Variants in TNS1 observed in about 807,000 individuals in gnomAD.
TNS1 encodes tensin 1, also known as tensin-1.
TNS1 carries 62 observed loss-of-function variants against 168.6 expected under a neutral mutation model. That is an observed-to-expected ratio of 0.37 (90% CI 0.30 to 0.45). The LOEUF is 0.45. Among genes scored for constraint, TNS1 ranks in the 20% least tolerant of loss-of-function variants. The pLI is 1.00. For synonymous variants in TNS1, 934 were observed against 933.2 expected (o/e 1.00, Z -0.02); for missense variants, 2,240 against 2,339.4 (o/e 0.96, Z 0.88).
chr2:217,885,916 G>A (rs1031481444), intron 14 of TNS1, 97 bp from the exon 15 acceptor site: 10 of 1,552,378 alleles, frequency 6.4e-6, no homozygotes, highest in Middle Eastern at 1.7e-4. Flanking sequence ...CAGGGTTAGT[G>A]GGAAACCTCT....
intron 8 of TNS1, among the ~76,000 whole-genome samples, chr2:217,896,661 T>A (rs187596158): frequency 8.5e-5 from 13 of 152,306 alleles, no homozygotes; most frequent in Admixed American, 2.6e-4. Context: ...CCACCAGATT[T>A]GAGGTAGAGT....
chr2:217,883,865 C>T (rs779048410), intron 16 of TNS1, among the ~76,000 whole-genome samples: 23 of 152,166 alleles, frequency 1.5e-4, no homozygotes, highest in Non-Finnish European at 3.1e-4. Flanking sequence ...AGTCTTTCTC[C>T]GCCTGAGCCC....
chr2:218,028,745 C>T (rs1958869583), intron 1 of TNS1, among the ~76,000 whole-genome samples: 1 of 152,148 alleles, frequency 6.6e-6, no homozygotes, highest in African/African-American at 2.4e-5. Context: ...GGCAGAAGGG[C>T]TGGCCAAAAG....
At chr2:217,915,339 G>A (rs1164543428) in intron 4 of TNS1, among the ~76,000 whole-genome samples, 1 of 152,230 alleles carries the variant, frequency 6.6e-6, no homozygotes, top group Non-Finnish European at 1.5e-5. Flanking sequence ...AAGAAGATCA[G>A]GGCCTGTTTC....
intron 19 of TNS1, among the ~76,000 whole-genome samples, chr2:217,844,996 C>T (rs998984548): frequency 2.0e-5 from 3 of 152,214 alleles, no homozygotes; most frequent in African/African-American, 4.8e-5. Context: ...CTAATAGGAA[C>T]GCTTCCAATG....
intron 21 of TNS1, 142 bp from the exon 22 acceptor site, chr2:217,831,689 G>A: frequency 1.9e-6 from 1 of 537,088 alleles, no homozygotes; most frequent in Admixed American, 3.9e-5. Context: ...CAGCGCTTTG[G>A]CTCCACTGCC....
intron 1 of TNS1, among the ~76,000 whole-genome samples, chr2:218,023,867 G>C (rs991431764): frequency 6.6e-6 from 1 of 151,810 alleles, no homozygotes; most frequent in African/African-American, 2.4e-5. Flanking sequence ...GAATCCCAGA[G>C]AGAAGCTTCT....
At position 217,804,450 on chromosome 2, in the gene TNS1, G is replaced by T; in HGVS notation, c.*9C>A. 1 of 1,614,026 alleles carries T rather than the reference G, an allele frequency of 6.2e-7. No homozygotes were observed. The highest frequency in any genetic ancestry group is 8.5e-7 in the Non-Finnish European group (1 of 1,179,942). Reference sequence around the variant, plus strand: ...CCCCATGGCACTGGCCCTGGGCAAGGGGCAGGGTTCATCTCTTTTGGCCGG... The same window carrying T: ...CCCCATGGCACTGGCCCTGGGCAAGTGGCAGGGTTCATCTCTTTTGGCCGG... On this transcript the variant is annotated 3_prime_UTR_variant, in exon 33 of 33. Coordinates refer to ENST00000682258, the MANE Select transcript of TNS1 (RefSeq NM_001387777.1).
chr2:218,020,943 C>G (rs926037639), intron 1 of TNS1, among the ~76,000 whole-genome samples: 1 of 152,210 alleles, frequency 6.6e-6, no homozygotes, highest in African/African-American at 2.4e-5. Context: ...AGATAAGCAA[C>G]CATTTACGTC....
intron 3 of TNS1, among the ~76,000 whole-genome samples, chr2:217,942,848 T>C (rs939014976): frequency 8.7e-4 from 130 of 149,706 alleles, no homozygotes; most frequent in African/African-American, 3.0e-3. Context: ...TCCCCTCCCC[T>C]GCAGGGAGCC....
chr2:217,921,573 G>A (rs371225983), intron 3 of TNS1, among the ~76,000 whole-genome samples: 2 of 152,326 alleles, frequency 1.3e-5, no homozygotes, highest in Admixed American at 6.5e-5. Context: ...CTCTGGAAGG[G>A]GCAGAGGTGG....
intron 1 of TNS1, among the ~76,000 whole-genome samples, chr2:218,000,831 G>A (rs1958549461): frequency 1.3e-5 from 2 of 152,128 alleles, no homozygotes; most frequent in Admixed American, 1.3e-4. Context: ...AAGGAGACAG[G>A]GGAGGGACAC....
chr2:217,873,628 G>C (rs1186835716), intron 18 of TNS1, among the ~76,000 whole-genome samples: 1 of 152,220 alleles, frequency 6.6e-6, no homozygotes. Context: ...AGAGATTTCA[G>C]CAGGAGGAGG....
intron 4 of TNS1, among the ~76,000 whole-genome samples, chr2:217,914,501 GTTTT>G (rs1331454415): frequency 6.7e-6 from 1 of 148,230 alleles, no homozygotes; most frequent in Non-Finnish European, 1.5e-5. Flanking sequence ...AATGTTTTGG[GTTTT>G]TTTGTTTTGT....
chr2:217,850,663 C>T (rs1366562392), intron 18 of TNS1: 4 of 959,598 alleles, frequency 4.2e-6, no homozygotes, highest in African/African-American at 1.8e-5. Context: ...CCAGGCTCTC[C>T]GTTAGCAAGG....
At chr2:217,809,312 G>C (rs1940044203) in intron 30 of TNS1, among the ~76,000 whole-genome samples, 1 of 89,464 alleles carries the variant, frequency 1.1e-5, no homozygotes, top group Non-Finnish European at 2.3e-5. Context: ...TGCATGGATG[G>C]ATGCATGGAT....
Position 217,818,194 on chromosome 2 carries a change from G to A in TNS1, c.4138C>T (p.Pro1380Ser). Residue 1380 changes from proline (P) to serine (S), a missense_variant, in exon 24 of 33, where the codon CCT becomes TCT. Pro to Ser is a moderately conservative substitution (Grantham distance 74). Transcript: ENST00000682258. Reference sequence around the variant, plus strand: ...GCCAGGTTGCCTTGGTGAGCCCCAGGGTGCCGGCCCAGGCTGGGACTCCCC... The same window carrying A: ...GCCAGGTTGCCTTGGTGAGCCCCAGAGTGCCGGCCCAGGCTGGGACTCCCC... ...TPGSPSLGRHPGAHQGNLASG... is the reference protein window; with the variant it reads ...TPGSPSLGRHSGAHQGNLASG... 6.2e-7 allele frequency: 1 copy of A among 1,613,878 alleles called. No individual in the cohort carries two copies. The highest frequency in any genetic ancestry group is 8.5e-7 in the Non-Finnish European group (1 of 1,179,914).
chr2:217,888,760 C>T (rs959034464), intron 12 of TNS1, among the ~76,000 whole-genome samples: 1 of 152,208 alleles, frequency 6.6e-6, no homozygotes, highest in Non-Finnish European at 1.5e-5. Context: ...TGTGAGACCT[C>T]CCCAGCCACG....
intron 18 of TNS1, among the ~76,000 whole-genome samples, chr2:217,876,092 A>T (rs914895687): frequency 6.6e-6 from 1 of 152,132 alleles, no homozygotes; most frequent in Non-Finnish European, 1.5e-5. Flanking sequence ...TTGAGTCAAG[A>T]GAAACTCTAA....
Sources: gnomAD v4.1 joint callset for allele counts (sites outside exome capture counted in the v4.1 genomes callset) on GRCh38, gnomAD v4.1.1 for gene constraint, MANE v1.5 for transcripts, NCBI Gene and HGNC (gene_info 2026-07-23, HGNC 2026-07-21) for gene names.